XIRP2: variants seen among roughly 807,000 people sequenced by gnomAD.
XIRP2 encodes xin actin-binding repeat-containing protein 2.
Under a neutral mutation model 277.0 loss-of-function variants are expected in XIRP2, and 236 were observed. The observed-to-expected ratio is 0.85, with a 90% CI of 0.77 to 0.95. The LOEUF (loss-of-function observed/expected upper bound fraction) is 0.95, where lower values mean the gene tolerates loss of function less well. Among genes scored for constraint, XIRP2 ranks in the 40% least tolerant of loss-of-function variants. The pLI, the probability that XIRP2 is intolerant of heterozygous loss-of-function variation, is 0.00. For synonymous variants in XIRP2, 1,490 were observed against 1,416.5 expected, an observed-to-expected ratio of 1.05 and a Z score of -1.17; for missense variants, 4,640 against 4,157.5, an observed-to-expected ratio of 1.12 and a Z score of -3.19.
At chr2:167,072,670 A>C (rs1689465255) in intron 2 of XIRP2, among the ~76,000 whole-genome samples, 1 of 152,192 alleles carries the variant, frequency 6.6e-6, no homozygotes, top group Non-Finnish European at 1.5e-5. Flanking sequence ...CCCTTAGAGA[A>C]ATATTCAACA....
intron 2 of XIRP2, among the ~76,000 whole-genome samples, chr2:167,103,342 G>T (rs1388774850): frequency 6.6e-6 from 1 of 152,158 alleles, no homozygotes; most frequent in Non-Finnish European, 1.5e-5. Context: ...ACTGAAAACA[G>T]TTAGCTATGA....
At chr2:167,013,395 C>T (rs1015054786) in intron 2 of XIRP2, among the ~76,000 whole-genome samples, 1 of 151,338 alleles carries the variant, frequency 6.6e-6, no homozygotes, top group African/African-American at 2.4e-5. Context: ...TTCTTATATA[C>T]TGATGCGGTC....
At chr2:166,999,353 C>T (rs934433430) in intron 2 of XIRP2, among the ~76,000 whole-genome samples, 7 of 151,880 alleles carry the variant, frequency 4.6e-5, no homozygotes, top group South Asian at 2.1e-4. Flanking sequence ...TGCTTATTTC[C>T]GCTTGAATAT....
intron 3 of XIRP2, among the ~76,000 whole-genome samples, chr2:167,195,505 C>G (rs1321261090): frequency 6.6e-6 from 1 of 152,328 alleles, no homozygotes; most frequent in East Asian, 1.9e-4. Flanking sequence ...ACAGCAGCCC[C>G]TTCCAACTTT....
intron 3 of XIRP2, among the ~76,000 whole-genome samples, chr2:167,178,827 A>G (rs7559426): frequency 0.099 from 14,995 of 152,110 alleles, 782 homozygotes; most frequent in South Asian, 0.15. Context: ...TGTGTTACTA[A>G]GGCCCATGGA....
chr2:167,242,990 G>A lies in XIRP2; in HGVS notation c.1598G>A (p.Ser533Asn), dbSNP rs151314564. 931 of 1,614,006 alleles carry A rather than the reference G, an allele frequency of 5.8e-4. 3 individuals carry two copies. The African/African-American group carries it at 0.011, about 19-fold the overall frequency. ...GTTTCTAGTCAAATGAACTCAGGGA[G>A]TTCAGTCTCAGCAGATGTGCAACAA... Reference protein sequence around the residue: ...EIVSSQMNSGSSVSADVQQAR... With the variant: ...EIVSSQMNSGNSVSADVQQAR... The change falls in exon 9 of 11, where the codon AGT (serine) becomes AAT (asparagine). Residue 533 changes from serine (S) to asparagine (N), a missense_variant. Ser to Asn is a conservative substitution (Grantham distance 46). Transcript: ENST00000409195.
chr2:167,044,387 G>A (rs752541014), intron 2 of XIRP2, among the ~76,000 whole-genome samples: 16 of 151,792 alleles, frequency 1.1e-4, no homozygotes, highest in Admixed American at 2.0e-4. Context: ...CACCCTCACC[G>A]CTCCTATTAA....
intron 2 of XIRP2, among the ~76,000 whole-genome samples, chr2:167,084,148 G>T (rs989420334): frequency 5.3e-5 from 8 of 152,170 alleles, no homozygotes; most frequent in African/African-American, 1.7e-4. Context: ...TTTTTAGCAT[G>T]AATTGTTGTT....
chr2:167,172,212 A>G (rs1692716845), intron 3 of XIRP2, among the ~76,000 whole-genome samples: 1 of 152,144 alleles, frequency 6.6e-6, no homozygotes, highest in Non-Finnish European at 1.5e-5. Context: ...AAAACCAACA[A>G]GTTTTTATTA....
chr2:167,029,872 T>C (rs1688287769), intron 2 of XIRP2, among the ~76,000 whole-genome samples: 1 of 152,176 alleles, frequency 6.6e-6, no homozygotes, highest in Non-Finnish European at 1.5e-5. Flanking sequence ...AATTACTGCC[T>C]CAATTTCAGG....
At chr2:166,915,026 G>T (rs755443031) in intron 2 of XIRP2, among the ~76,000 whole-genome samples, 1 of 151,746 alleles carries the variant, frequency 6.6e-6, no homozygotes, top group Non-Finnish European at 1.5e-5. Flanking sequence ...GTCTGGGAGC[G>T]GTGGCTCACA....
In XIRP2 at chr2:167,258,408, T is replaced by C. The variant is rs1335071675; in HGVS notation, c.*591T>C. ...GAGGATGTTATAGGAATCAAAGAAA[T>C]GAAAATGCCTGAAGGAAGAAAAGAT... is the stretch of plus-strand genomic sequence containing the variant. On this transcript the variant is annotated 3_prime_UTR_variant, in exon 11 of 11. Coordinates refer to ENST00000409195, the MANE Select transcript of XIRP2 (RefSeq NM_152381.6). The C allele has an allele frequency of 6.2e-7, 1 of 1,612,452 alleles. No homozygotes were observed. Among genetic ancestry groups the C allele is most frequent in the East Asian group, 2.2e-5 (1 of 44,770 alleles).
chr2:166,979,420 T>A lies in XIRP2; in HGVS notation c.408+75530T>A, dbSNP rs577947150. ...TAGCTAAGGCCTCAAGTATAATTGT[T>A]ACTGGCCTGGTAAAAGTAAGCATTC... On this transcript the variant is annotated intron_variant, in intron 2 of 10. Transcript: ENST00000409195. 8.6e-4 allele frequency among the ~76,000 whole-genome samples: 129 copies of A among 150,084 alleles called. 1 individual carries two copies. The highest frequency in any genetic ancestry group is 2.9e-3 in the African/African-American group (118 of 40,948).
At chr2:166,938,696 T>A (rs1008925163) in intron 2 of XIRP2, among the ~76,000 whole-genome samples, 1 of 152,078 alleles carries the variant, frequency 6.6e-6, no homozygotes, top group South Asian at 2.1e-4. Context: ...ACAGTGGGGT[T>A]TTAAAGTCTC....
intron 2 of XIRP2, among the ~76,000 whole-genome samples, chr2:167,006,406 G>A (rs1574154153): frequency 6.6e-6 from 1 of 151,640 alleles, no homozygotes; most frequent in African/African-American, 2.4e-5. Context: ...TACTTGGGTG[G>A]GAAAAGTAAA....
In XIRP2 at chr2:167,002,773, G is replaced by A. The variant is rs377436322; in HGVS notation, c.408+98883G>A. On this transcript the variant is annotated intron_variant, in intron 2 of 10. Coordinates refer to ENST00000409195, the MANE Select transcript of XIRP2 (RefSeq NM_152381.6). ...ACATAGTAATTTTCAATGAATATTT[G>A]TTGAATAAAAGAAAAATTAATTGGC... 5.3e-5 allele frequency among the ~76,000 whole-genome samples: 8 copies of A among 151,964 alleles called. No homozygotes were observed. The East Asian group carries it at 1.5e-3, about 29-fold the overall frequency.
At chr2:166,941,573 G>T (rs894778796) in intron 2 of XIRP2, among the ~76,000 whole-genome samples, 2 of 152,054 alleles carry the variant, frequency 1.3e-5, no homozygotes, top group Admixed American at 6.6e-5. Context: ...GTTCCTAATT[G>T]GCCATCTTGG....
At chr2:166,902,598 G>T (rs1305879866) in intron 1 of XIRP2, among the ~76,000 whole-genome samples, 1 of 151,020 alleles carries the variant, frequency 6.6e-6, no homozygotes, top group Non-Finnish European at 1.5e-5. Context: ...CCCATGATTT[G>T]TGTGTGTGTG....
intron 2 of XIRP2, among the ~76,000 whole-genome samples, chr2:167,022,388 T>C (rs540000891): frequency 1.3e-5 from 2 of 152,268 alleles, no homozygotes; most frequent in African/African-American, 4.8e-5. Flanking sequence ...TTATTTTAAG[T>C]ATTAACACAT....
Sources: allele counts gnomAD v4.1 joint callset (sites outside exome capture counted in the v4.1 genomes callset), GRCh38; gene constraint gnomAD v4.1.1; transcripts MANE v1.5; gene names NCBI Gene and HGNC (gene_info 2026-07-23, HGNC 2026-07-21).